The following LRP5 variants were observed in gnomAD, a reference collection of about 807,000 sequenced individuals.
LRP5 encodes low-density lipoprotein receptor-related protein 5.
LRP5 carries 62 observed loss-of-function variants against 154.1 expected under a neutral mutation model. The ratio of observed to expected loss-of-function variants is 0.40; its 90% CI spans 0.33 to 0.50. The LOEUF (loss-of-function observed/expected upper bound fraction) is 0.50, where lower values mean the gene tolerates loss of function less well. Ranked by LOEUF, LRP5 falls within the 20% of genes least tolerant of loss-of-function variation. The pLI is 0.55. For missense variants in LRP5, 1,915 were observed against 2,336.7 expected (o/e 0.82, Z 3.72); for synonymous variants, 966 against 1,011.5 (o/e 0.96, Z 0.85).
In LRP5 at chr11:68,438,548, T is replaced by A; in HGVS notation, c.4214T>A (p.Phe1405Tyr). 1 of 1,614,194 alleles carries A rather than the reference T, an allele frequency of 6.2e-7. No homozygotes were observed. Among genetic ancestry groups the A allele is most frequent in the Non-Finnish European group, 8.5e-7 (1 of 1,180,042 alleles). ...CTCTTCGTCATGGGTGGTGTCTATT[T>A]TGTGTGCCAGCGCGTGGTGTGCCAG... ...LSLFVMGGVY[F>Y]VCQRVVCQRY... Residue 1405 changes from phenylalanine (F) to tyrosine (Y), a missense_variant, in exon 20 of 23, where the codon TTT (phenylalanine) becomes TAT (tyrosine). Transcript: ENST00000294304.
intron 9 of LRP5, among the ~76,000 whole-genome samples, chr11:68,409,015 A>G (rs2098657325): frequency 7.1e-6 from 1 of 140,262 alleles, no homozygotes. Flanking sequence ...ACTCCACTGT[A>G]CTCCAACCTG....
chr11:68,362,930 G>A (rs1415200318), intron 3 of LRP5, among the ~76,000 whole-genome samples: 1 of 152,020 alleles, frequency 6.6e-6, no homozygotes, highest in Non-Finnish European at 1.5e-5. Context: ...ACGGGGCGAG[G>A]GTCATTAAGC....
At chr11:68,416,188 C>T in intron 12 of LRP5, 140 bp from the exon 13 acceptor site, 2 of 732,164 alleles carry the variant, frequency 2.7e-6, no homozygotes, top group South Asian at 1.5e-5. Flanking sequence ...AAGAGACAGC[C>T]CTGGTCCCCC....
chr11:68,406,485 T>C (rs758677118), intron 8 of LRP5, 39 bp from the exon 9 acceptor site: 2 of 1,608,754 alleles, frequency 1.2e-6, no homozygotes, highest in South Asian at 1.1e-5. Context: ...CCTGCTGGGC[T>C]GTTGATGTTT....
rs73513029 is a variant in LRP5 at position 68,353,377 on chromosome 11, C to T, written c.489-4273C>T. 3.6e-3 allele frequency among the ~76,000 whole-genome samples: 555 copies of T among 152,274 alleles called. 7 individuals carry two copies. Among genetic ancestry groups the T allele is most frequent in the African/African-American group, 0.013 (536 of 41,550 alleles). ...TCATCAGATCCAGTGATGCTGATGA[C>T]GCCAGCCATGGTCCTACCCTGAGGT... On this transcript the variant is annotated intron_variant, in intron 2 of 22. Transcript: ENST00000294304. The surrounding 1 kb of genome is among the most constrained non-coding windows in gnomAD (Gnocchi z 4.5).
intron 1 of LRP5, among the ~76,000 whole-genome samples, chr11:68,346,018 G>C (rs2098612610): frequency 6.7e-6 from 1 of 149,802 alleles, no homozygotes; most frequent in Non-Finnish European, 1.5e-5. Context: ...AGTTGGCTTA[G>C]TTGTTTTCTC....
chr11:68,409,215 A>G (rs2098657887), intron 9 of LRP5, among the ~76,000 whole-genome samples: 1 of 61,362 alleles, frequency 1.6e-5, no homozygotes, highest in African/African-American at 4.4e-5. Flanking sequence ...AAGTAAATAT[A>G]TAATATATAA....
chr11:68,326,872 G>C (rs1402215265), intron 1 of LRP5, among the ~76,000 whole-genome samples: 1 of 152,340 alleles, frequency 6.6e-6, no homozygotes, highest in African/African-American at 2.4e-5. Flanking sequence ...TCCCCGGGGA[G>C]GCATGGAGTC....
chr11:68,311,137 C>G (rs1351961879), upstream of LRP5, among the ~76,000 whole-genome samples: 5 of 152,148 alleles, frequency 3.3e-5, no homozygotes, highest in East Asian at 9.6e-4. Flanking sequence ...AAATAGAACC[C>G]CAGGCTGTGC....
rs191381016 is a variant in LRP5 at position 68,433,426 on chromosome 11, G to A, written c.3764-176G>A. ...CTCTTCTGGGTTGGGGCTGGAGGTGGAGCGGCACACAGGAGCCGCAGCGAT... is the reference window on the plus strand; with the variant it reads ...CTCTTCTGGGTTGGGGCTGGAGGTGAAGCGGCACACAGGAGCCGCAGCGAT... On this transcript the variant is annotated intron_variant, in intron 17 of 22. Coordinates refer to ENST00000294304, the MANE Select transcript of LRP5 (RefSeq NM_002335.4). 8.3e-3 allele frequency among the ~76,000 whole-genome samples: 1,269 copies of A among 152,326 alleles called. 20 individuals are homozygous for A. Among genetic ancestry groups the A allele is most frequent in the African/African-American group, 0.028 (1,184 of 41,568 alleles).
chr11:68,434,526 C>T (rs896547038), intron 18 of LRP5, among the ~76,000 whole-genome samples: 16 of 152,060 alleles, frequency 1.1e-4, no homozygotes, highest in Non-Finnish European at 2.4e-4. Context: ...ATGACAGGTG[C>T]GCACCACCAT....
At position 68,399,443 on chromosome 11, in the gene LRP5, G is replaced by T. The variant is rs146849804; in HGVS notation, c.1585-4040G>T. On this transcript the variant is annotated intron_variant, in intron 7 of 22. Transcript: ENST00000294304. ...TGTTCAGTCACGTGCTCTCCATGCT[G>T]CTTTCTGCTCCAGAGACCCTTATGG... Among the ~76,000 whole-genome samples, 6 of 152,088 alleles carry T rather than the reference G, an allele frequency of 3.9e-5. No individual in the cohort carries two copies. The East Asian group carries it at 1.2e-3, about 29-fold the overall frequency.
chr11:68,359,744 A>G (rs1411549760), intron 3 of LRP5, among the ~76,000 whole-genome samples: 2 of 150,226 alleles, frequency 1.3e-5, no homozygotes, highest in African/African-American at 4.9e-5. Context: ...CATTGGCACA[A>G]TCATGGTTCA....
At chr11:68,385,556 C>T (rs2098642534) in intron 5 of LRP5, among the ~76,000 whole-genome samples, 1 of 152,172 alleles carries the variant, frequency 6.6e-6, no homozygotes, top group Admixed American at 6.5e-5. Context: ...GACCAGAATG[C>T]ATGCCCCGGA....
rs750784979 is a variant in LRP5 at position 68,386,423 on chromosome 11, G to A, written c.1123G>A (p.Ala375Thr). The A allele has an allele frequency of 5.6e-6, 9 of 1,614,048 alleles. No individual in the cohort carries two copies. The highest frequency in any genetic ancestry group is 4.4e-5 in the South Asian group (4 of 91,088). ...GCTGCAGGTGGACGACATCCGGCACGCCATTGCCATCGACTACGACCCGCT... is the reference window on the plus strand; with the variant it reads ...GCTGCAGGTGGACGACATCCGGCACACCATTGCCATCGACTACGACCCGCT... ...IVLQVDDIRHAIAIDYDPLEG... is the reference protein window; with the variant it reads ...IVLQVDDIRHTIAIDYDPLEG... The change falls in exon 6 of 23, where the codon GCC (alanine) becomes ACC (threonine). Residue 375 changes from alanine (A) to threonine (T), a missense_variant. Transcript: ENST00000294304. The surrounding 1 kb of genome is among the most constrained non-coding windows in gnomAD (Gnocchi z 7.9).
intron 1 of LRP5, among the ~76,000 whole-genome samples, chr11:68,316,258 G>A (rs760456093): frequency 1.2e-4 from 19 of 152,198 alleles, no homozygotes; most frequent in East Asian, 3.9e-4. Context: ...GTAGTACCAC[G>A]TATGGGTGTT....
chr11:68,328,600 C>CCGACTGT (rs2098601011), intron 1 of LRP5, among the ~76,000 whole-genome samples: 1 of 152,224 alleles, frequency 6.6e-6, no homozygotes, highest in African/African-American at 2.4e-5. Context: ...GCCAGCCCAG[C>CCGACTGT]CGACTGTCGG....
chr11:68,308,261 G>C (rs1223310855), upstream of LRP5, among the ~76,000 whole-genome samples: 2 of 152,194 alleles, frequency 1.3e-5, no homozygotes, highest in Admixed American at 1.3e-4. Flanking sequence ...GGGTTGGGGG[G>C]GGCTCTTGTG....
At position 68,316,733 on chromosome 11, in the gene LRP5, G is replaced by A. The variant is rs534898699; in HGVS notation, c.91+3928G>A. Among the ~76,000 whole-genome samples, 3 of 152,324 alleles carry A rather than the reference G, an allele frequency of 2.0e-5. No homozygotes were observed. The South Asian group carries it at 6.2e-4, about 32-fold the overall frequency. On this transcript the variant is annotated intron_variant, in intron 1 of 22. Coordinates refer to ENST00000294304, the MANE Select transcript of LRP5 (RefSeq NM_002335.4). Reference sequence around the variant, plus strand: ...TGCATCCTGGTGGAGGTGGCTGGTGGGAGGATCTGGCCTGAGACTCTCCTG... The same window carrying A: ...TGCATCCTGGTGGAGGTGGCTGGTGAGAGGATCTGGCCTGAGACTCTCCTG...
Sources: gnomAD v4.1 joint callset for allele counts (sites outside exome capture counted in the v4.1 genomes callset) on GRCh38, gnomAD v4.1.1 for gene constraint, Gnocchi (gnomAD v3.1) non-coding constraint, MANE v1.5 for transcripts, NCBI Gene and HGNC (gene_info 2026-07-23, HGNC 2026-07-21) for gene names.